RAD51B: variants seen among roughly 807,000 people sequenced by gnomAD.
RAD51B encodes DNA repair protein RAD51 homolog 2.
RAD51B carries 38 observed loss-of-function variants against 42.2 expected under a neutral mutation model. That is an observed-to-expected ratio of 0.90 (90% CI 0.70 to 1.18). The LOEUF is 1.18. RAD51B is among the 50% of genes most tolerant of loss of function. The pLI, the probability that RAD51B is intolerant of heterozygous loss-of-function variation, is 0.00. For synonymous variants in RAD51B, 154 were observed against 145.2 expected, an observed-to-expected ratio of 1.06 and a Z score of -0.43; for missense variants, 373 against 400.7, an observed-to-expected ratio of 0.93 and a Z score of 0.59.
intron 7 of RAD51B, among the ~76,000 whole-genome samples, chr14:68,010,374 C>A (rs1277743978): frequency 1.3e-5 from 2 of 151,792 alleles, no homozygotes; most frequent in Non-Finnish European, 3.0e-5. Context: ...ATTTAGTCCA[C>A]AGATTTATAG....
intron 7 of RAD51B, among the ~76,000 whole-genome samples, chr14:67,949,156 T>C (rs1019536218): frequency 6.6e-6 from 1 of 152,044 alleles, no homozygotes; most frequent in African/African-American, 2.4e-5. Context: ...ATAAAGTTCA[T>C]TGAATGATGC....
chr14:67,862,886 G>A (rs1351114055), intron 4 of RAD51B, among the ~76,000 whole-genome samples: 1 of 151,822 alleles, frequency 6.6e-6, no homozygotes, highest in Non-Finnish European at 1.5e-5. Flanking sequence ...CATACTTTGT[G>A]TGTGTTTTAT....
intron 8 of RAD51B, among the ~76,000 whole-genome samples, chr14:68,382,610 T>C (rs1415494799): frequency 6.6e-6 from 1 of 152,246 alleles, no homozygotes; most frequent in African/African-American, 2.4e-5. Flanking sequence ...TAGAACTTAA[T>C]ACTCTTAAAA....
At chr14:67,973,880 T>C (rs2074943023) in intron 7 of RAD51B, among the ~76,000 whole-genome samples, 1 of 152,182 alleles carries the variant, frequency 6.6e-6, no homozygotes, top group African/African-American at 2.4e-5. Context: ...TGTTAATTTT[T>C]GTAACTTCAC....
intron 4 of RAD51B, among the ~76,000 whole-genome samples, chr14:67,850,393 C>T (rs925770355): frequency 6.6e-5 from 10 of 152,118 alleles, no homozygotes; most frequent in Non-Finnish European, 1.5e-4. Flanking sequence ...TTCCCCCACT[C>T]ACTAAAGGGT....
intron 7 of RAD51B, among the ~76,000 whole-genome samples, chr14:68,061,164 G>A (rs2140440628): frequency 6.7e-6 from 1 of 150,194 alleles, no homozygotes; most frequent in Non-Finnish European, 1.5e-5. Flanking sequence ...TGCCTCCCGG[G>A]TTTGAGTGAT....
chr14:68,493,423 A>T (rs958238306), intron 10 of RAD51B, among the ~76,000 whole-genome samples: 33 of 152,048 alleles, frequency 2.2e-4, no homozygotes, highest in African/African-American at 7.7e-4. Flanking sequence ...AATTTCATGT[A>T]GTTAGAATTC....
chr14:68,520,487 A>G (rs1886500581), intron 10 of RAD51B, among the ~76,000 whole-genome samples: 1 of 152,230 alleles, frequency 6.6e-6, no homozygotes, highest in Non-Finnish European at 1.5e-5. Context: ...TGATCATGTG[A>G]TCATTTCCTA....
At chr14:68,052,390 T>C (rs1450191064) in intron 7 of RAD51B, among the ~76,000 whole-genome samples, 2 of 152,156 alleles carry the variant, frequency 1.3e-5, no homozygotes, top group Admixed American at 1.3e-4. Context: ...TTTTTCTTTT[T>C]TTAACTGATG....
chr14:68,108,698 G>A (rs557452723), intron 7 of RAD51B, among the ~76,000 whole-genome samples: 70 of 151,908 alleles, frequency 4.6e-4, no homozygotes, highest in Non-Finnish European at 5.5e-4. Context: ...TATTGGTGAT[G>A]GTTATAAAAC....
intron 5 of RAD51B, among the ~76,000 whole-genome samples, chr14:67,876,763 T>C (rs2042741580): frequency 6.6e-6 from 1 of 151,918 alleles, no homozygotes; most frequent in Non-Finnish European, 1.5e-5. Flanking sequence ...ACATTGAGAG[T>C]GGATGTAGGG....
chr14:67,987,324 C>T (rs961256205), intron 7 of RAD51B, among the ~76,000 whole-genome samples: 3 of 152,168 alleles, frequency 2.0e-5, no homozygotes, highest in Non-Finnish European at 2.9e-5. Context: ...ACCATTTCCA[C>T]CTCCCGCTAA....
chr14:68,325,009 C>T (rs192648863), intron 8 of RAD51B, among the ~76,000 whole-genome samples: 56 of 152,310 alleles, frequency 3.7e-4, no homozygotes, highest in East Asian at 1.5e-3. Flanking sequence ...AGCTCCTCAA[C>T]GAGTATGTTT....
chr14:67,968,818 C>T (rs1355535434), intron 7 of RAD51B, among the ~76,000 whole-genome samples: 2 of 152,186 alleles, frequency 1.3e-5, no homozygotes, highest in Non-Finnish European at 2.9e-5. Context: ...GTTGCTTCCA[C>T]ATTTTCAGGT....
intron 10 of RAD51B, among the ~76,000 whole-genome samples, chr14:68,527,588 T>C (rs1887016438): frequency 6.6e-6 from 1 of 152,236 alleles, no homozygotes; most frequent in South Asian, 2.1e-4. Flanking sequence ...TGCTGCTCCT[T>C]TCACTCCATG....
chr14:68,396,244 G>A (rs576304723), intron 8 of RAD51B, among the ~76,000 whole-genome samples: 36 of 152,288 alleles, frequency 2.4e-4, no homozygotes, highest in Admixed American at 1.9e-3. Flanking sequence ...TTTTTATCAC[G>A]TAAAGCACTT....
chr14:67,897,691 C>G (rs1388527021), intron 7 of RAD51B, among the ~76,000 whole-genome samples: 1 of 151,598 alleles, frequency 6.6e-6, no homozygotes, highest in African/African-American at 2.4e-5. Flanking sequence ...CTCTTGCTAC[C>G]CAGTCTGGAG....
chr14:68,589,482 C>T (rs1052055804), intron 10 of RAD51B, among the ~76,000 whole-genome samples: 1 of 152,222 alleles, frequency 6.6e-6, no homozygotes, highest in Non-Finnish European at 1.5e-5. Context: ...GCCCCCATGA[C>T]TGCCACAAGC....
intron 7 of RAD51B, among the ~76,000 whole-genome samples, chr14:68,198,675 A>C (rs2079423637): frequency 6.6e-6 from 1 of 152,148 alleles, no homozygotes; most frequent in African/African-American, 2.4e-5. Flanking sequence ...ACTATGAATA[A>C]ATTTTTGGCT....
Sources: gnomAD v4.1 joint callset for allele counts (sites outside exome capture counted in the v4.1 genomes callset) on GRCh38, gnomAD v4.1.1 for gene constraint, MANE v1.5 for transcripts, NCBI Gene and HGNC (gene_info 2026-07-23, HGNC 2026-07-21) for gene names.